NCKAP5: variants seen among roughly 807,000 people sequenced by gnomAD.
NCKAP5 encodes nck-associated protein 5.
A neutral mutation model predicts 167.0 loss-of-function variants in NCKAP5; 92 were observed. That is an observed-to-expected ratio of 0.55 (90% CI 0.47 to 0.66). NCKAP5 has a LOEUF of 0.66. Ranked by LOEUF, NCKAP5 falls within the 30% of genes least tolerant of loss-of-function variation. NCKAP5 has a pLI of 0.00. For synonymous variants in NCKAP5, 891 were observed against 877.4 expected, an observed-to-expected ratio of 1.02 and a Z score of -0.27; for missense variants, 2,378 against 2,315.0, an observed-to-expected ratio of 1.03 and a Z score of -0.56.
At chr2:133,522,126 G>T (rs2104776741) in intron 2 of NCKAP5, among the ~76,000 whole-genome samples, 1 of 152,292 alleles carries the variant, frequency 6.6e-6, no homozygotes, top group African/African-American at 2.4e-5. Flanking sequence ...AGATTAGAAG[G>T]CAATGGGAAA....
chr2:133,173,090 C>A (rs1383585422), intron 5 of NCKAP5, among the ~76,000 whole-genome samples: 1 of 152,140 alleles, frequency 6.6e-6, no homozygotes, highest in Non-Finnish European at 1.5e-5. Flanking sequence ...AAGCCAGGGG[C>A]AACCAGTAAA....
At chr2:133,565,595 G>A (rs1242775127) in intron 1 of NCKAP5, among the ~76,000 whole-genome samples, 1 of 152,176 alleles carries the variant, frequency 6.6e-6, no homozygotes, top group East Asian at 1.9e-4. Flanking sequence ...GCATAGTGAA[G>A]ACCCTGATTA....
chr2:133,495,193 T>C (rs908621312), intron 3 of NCKAP5, among the ~76,000 whole-genome samples: 2 of 152,188 alleles, frequency 1.3e-5, no homozygotes, highest in Non-Finnish European at 2.9e-5. Flanking sequence ...TGATGTCTTA[T>C]ATCTCCATAA....
chr2:132,932,918 C>CT (rs1389337882), intron 8 of NCKAP5, among the ~76,000 whole-genome samples: 2 of 140,428 alleles, frequency 1.4e-5, no homozygotes, highest in Non-Finnish European at 3.0e-5. Context: ...TGATTATCCT[C>CT]TACTTTTTTT....
chr2:132,929,497 A>C (rs557255426), intron 8 of NCKAP5, among the ~76,000 whole-genome samples: 68 of 152,352 alleles, frequency 4.5e-4, no homozygotes, highest in Admixed American at 3.0e-3. Context: ...CATATTTCAG[A>C]ATCTGAAAAG....
At position 133,390,322 on chromosome 2, in the gene NCKAP5, C is replaced by T. The variant is rs114093808; in HGVS notation, c.70-87212G>A. Among the ~76,000 whole-genome samples the T allele has an allele frequency of 7.8e-3, 1,190 of 152,260 alleles. 11 individuals carry two copies. Among genetic ancestry groups the T allele is most frequent in the Middle Eastern group, 0.024 (7 of 294 alleles). The stretch of plus-strand genomic sequence containing the variant: ...CCTCTGGGAGTCTTCTGGGTACCAG[C>T]CAGTGATGACTAGCTCCTTGACTCT... On this transcript the variant is annotated intron_variant, in intron 3 of 19. Coordinates refer to ENST00000409261, the MANE Select transcript of NCKAP5 (RefSeq NM_207363.3).
At chr2:133,443,119 A>G (rs1356465335) in intron 3 of NCKAP5, among the ~76,000 whole-genome samples, 1 of 152,182 alleles carries the variant, frequency 6.6e-6, no homozygotes, top group African/African-American at 2.4e-5. Flanking sequence ...GGATTGAGAG[A>G]TTCGCTTTTC....
At chr2:133,662,920 T>A in the NCKAP5 span, among the ~76,000 whole-genome samples, 1 of 151,748 alleles carries the variant, frequency 6.6e-6, no homozygotes, top group Non-Finnish European at 1.5e-5. Context: ...AAGTGTGCAG[T>A]AGCATTATGT....
chr2:133,288,282 C>A (rs1574610548), intron 4 of NCKAP5, among the ~76,000 whole-genome samples: 1 of 152,158 alleles, frequency 6.6e-6, no homozygotes, highest in Non-Finnish European at 1.5e-5. Context: ...TACATCTGAT[C>A]CAACTCTAAG....
chr2:133,299,533 GGTCAGGA>G (rs1680212028), intron 4 of NCKAP5, among the ~76,000 whole-genome samples: 1 of 151,992 alleles, frequency 6.6e-6, no homozygotes, highest in African/African-American at 2.4e-5. Flanking sequence ...GATCACCTGA[GGTCAGGA>G]GTTCGAGACC....
rs759692197 is a variant in NCKAP5 at position 132,785,406 on chromosome 2, C to A, written c.1405G>T (p.Val469Phe). The change falls in exon 14 of 20, where the codon GTT becomes TTT. Residue 469 changes from valine (V) to phenylalanine (F), a missense_variant. Physicochemically the swap from Val to Phe is conservative, Grantham distance 50 (BLOSUM62 -1). This residue lies in a region of NCKAP5 where 1,049 missense variants were observed against 1,023.4 expected (regional missense o/e 1.02). Coordinates refer to ENST00000409261, the MANE Select transcript of NCKAP5 (RefSeq NM_207363.3). Reference protein sequence around the residue: ...SPCKEPHKTFVYDLDSHVDAD... With the variant: ...SPCKEPHKTFFYDLDSHVDAD... ...TCAACGTGGGAATCTAGATCATAAA[C>A]AAATGTCTTGTGGGGTTCCTTGCAG... 2.6e-5 allele frequency: 42 copies of A among 1,613,950 alleles called. No homozygotes were observed. The South Asian group carries it at 2.7e-4, about 11-fold the overall frequency.
At chr2:133,067,552 T>C (rs2080240558) in intron 6 of NCKAP5, among the ~76,000 whole-genome samples, 1 of 152,052 alleles carries the variant, frequency 6.6e-6, no homozygotes, top group South Asian at 2.1e-4. Context: ...TCTGAGGAAA[T>C]CCAATATGGT....
the NCKAP5 span, among the ~76,000 whole-genome samples, chr2:133,635,117 A>G: frequency 7.9e-3 from 1,194 of 152,100 alleles, 17 homozygotes; most frequent in East Asian, 0.068. Flanking sequence ...CAGGTGATCC[A>G]CCTGCCTTGG....
At chr2:133,566,763 T>C (rs1238708951) in intron 1 of NCKAP5, among the ~76,000 whole-genome samples, 1 of 152,232 alleles carries the variant, frequency 6.6e-6, no homozygotes, top group Non-Finnish European at 1.5e-5. Flanking sequence ...TTTTCTTCTG[T>C]GAAAGGATAA....
chr2:133,059,682 A>G (rs1229582108), intron 6 of NCKAP5, among the ~76,000 whole-genome samples: 2 of 152,066 alleles, frequency 1.3e-5, no homozygotes, highest in Non-Finnish European at 2.9e-5. Context: ...TCAAAAAAAA[A>G]AAAGAAAGAA....
At chr2:133,252,386 C>T (rs1473401266) in intron 4 of NCKAP5, among the ~76,000 whole-genome samples, 3 of 152,184 alleles carry the variant, frequency 2.0e-5, no homozygotes, top group Admixed American at 2.0e-4. Flanking sequence ...CTTGAACTTC[C>T]ATTTTCACTA....
chr2:132,870,711 T>A (rs1690744886), intron 9 of NCKAP5, among the ~76,000 whole-genome samples: 1 of 150,586 alleles, frequency 6.6e-6, no homozygotes, highest in Non-Finnish European at 1.5e-5. Flanking sequence ...TATTTGTGCT[T>A]CTTTCTCTAT....
At chr2:132,954,718 C>T (rs1170525782) in intron 8 of NCKAP5, 2 of 451,176 alleles carry the variant, frequency 4.4e-6, no homozygotes, top group Non-Finnish European at 8.9e-6. Flanking sequence ...AACAAAAAGA[C>T]TAGAAATATA....
At chr2:133,054,175 T>C (rs1220774113) in intron 6 of NCKAP5, among the ~76,000 whole-genome samples, 1 of 152,200 alleles carries the variant, frequency 6.6e-6, no homozygotes, top group Non-Finnish European at 1.5e-5. Context: ...CTAAAATGCT[T>C]TGTTCCAAAG....
Sources: gnomAD v4.1 joint callset for allele counts (sites outside exome capture counted in the v4.1 genomes callset) on GRCh38, gnomAD v4.1.1 for gene constraint, gnomAD v4.1.1 regional missense constraint, MANE v1.5 for transcripts, NCBI Gene and HGNC (gene_info 2026-07-23, HGNC 2026-07-21) for gene names.